Variants in FUT8 observed in about 807,000 individuals in gnomAD.
FUT8 encodes the protein fucosyltransferase 8.
Under a neutral mutation model 71.3 loss-of-function variants are expected in FUT8, and 29 were observed. That is an observed-to-expected ratio of 0.41 (90% CI 0.30 to 0.55). The LOEUF (loss-of-function observed/expected upper bound fraction) is 0.55, where lower values mean the gene tolerates loss of function less well. Ranked by LOEUF, FUT8 falls within the 20% of genes least tolerant of loss-of-function variation. The pLI is 0.34. For missense variants in FUT8, 544 were observed against 702.1 expected (o/e 0.77, Z 2.55); for synonymous variants, 254 against 239.3 (o/e 1.06, Z -0.57).
At chr14:65,387,591 C>T in the FUT8 span, among the ~76,000 whole-genome samples, 3 of 152,168 alleles carry the variant, frequency 2.0e-5, no homozygotes, top group African/African-American at 7.2e-5. Flanking sequence ...TGTTGAGTGC[C>T]TGTAAATTCA....
chr14:65,629,680 CA>C (rs1890075347), intron 6 of FUT8, 74 bp downstream of exon 6: 1 of 1,070,118 alleles, frequency 9.3e-7, no homozygotes, highest in Non-Finnish European at 1.4e-6. Context: ...GTAATAATTT[CA>C]GTTGTTTTTA....
chr14:65,473,612 G>A (rs1306013296), intron 2 of FUT8, among the ~76,000 whole-genome samples: 2 of 152,174 alleles, frequency 1.3e-5, no homozygotes, highest in African/African-American at 2.4e-5. Flanking sequence ...TAAATTGACT[G>A]TAGTCCAATA....
At chr14:65,583,798 C>T (rs913932632) in intron 3 of FUT8, among the ~76,000 whole-genome samples, 5 of 152,150 alleles carry the variant, frequency 3.3e-5, no homozygotes, top group Admixed American at 1.3e-4. Flanking sequence ...AGGATCTCAT[C>T]TTTGTTGTGT....
At chr14:65,522,349 G>A (rs1399365369) in intron 2 of FUT8, among the ~76,000 whole-genome samples, 1 of 151,886 alleles carries the variant, frequency 6.6e-6, no homozygotes, top group Non-Finnish European at 1.5e-5. Flanking sequence ...AACTCAGAGT[G>A]TTATTTCCTT....
At chr14:65,694,435 C>T (rs1266898256) in intron 7 of FUT8, among the ~76,000 whole-genome samples, 2 of 152,120 alleles carry the variant, frequency 1.3e-5, no homozygotes, top group African/African-American at 2.4e-5. Flanking sequence ...CAAAGTGCTT[C>T]AGCTATCTTT....
At chr14:65,621,331 G>A (rs1192534918) in intron 5 of FUT8, among the ~76,000 whole-genome samples, 4 of 149,872 alleles carry the variant, frequency 2.7e-5, no homozygotes, top group Admixed American at 2.7e-4. Flanking sequence ...CTCACTGCAA[G>A]CTCTGCCTCC....
At chr14:65,553,400 G>A (rs1885402205) in intron 2 of FUT8, among the ~76,000 whole-genome samples, 1 of 151,884 alleles carries the variant, frequency 6.6e-6, no homozygotes, top group South Asian at 2.1e-4. Context: ...TAAACCCAGT[G>A]ATACATTATT....
intron 2 of FUT8, among the ~76,000 whole-genome samples, chr14:65,466,906 T>C (rs994299072): frequency 2.7e-5 from 4 of 148,522 alleles, no homozygotes; most frequent in African/African-American, 1.0e-4. Flanking sequence ...AGTTCCTTTT[T>C]CCCATTCCTT....
At chr14:65,536,969 CTT>C (rs57549287) in intron 2 of FUT8, among the ~76,000 whole-genome samples, 81 of 124,512 alleles carry the variant, frequency 6.5e-4, no homozygotes, top group Admixed American at 6.5e-4. Context: ...TCTTCTTCTT[CTT>C]TTTTTTTTTT....
At chr14:65,369,760 C>T in the FUT8 span, among the ~76,000 whole-genome samples, 2 of 152,170 alleles carry the variant, frequency 1.3e-5, no homozygotes, top group African/African-American at 2.4e-5. This position sits in a 1 kb window ranked among gnomAD's most constrained non-coding sequence, Gnocchi z 4.6. Flanking sequence ...AGGAAGTGCC[C>T]ACTCCTTTCT....
At chr14:65,694,265 T>G (rs937688314) in intron 7 of FUT8, among the ~76,000 whole-genome samples, 6 of 151,754 alleles carry the variant, frequency 4.0e-5, no homozygotes, top group Non-Finnish European at 7.4e-5. Context: ...ATAATTGGGT[T>G]TAGCTTTTTC....
intron 3 of FUT8, among the ~76,000 whole-genome samples, chr14:65,614,436 T>A (rs568656511): frequency 1.1e-4 from 16 of 152,350 alleles, no homozygotes; most frequent in Non-Finnish European, 2.4e-4. Context: ...CTTTGACAAA[T>A]ACCACAAACT....
intron 1 of FUT8, among the ~76,000 whole-genome samples, chr14:65,453,717 G>A (rs12589698): frequency 0.35 from 52,719 of 152,070 alleles, 11,408 homozygotes; most frequent in Non-Finnish European, 0.48. Context: ...AGCTCCTGGA[G>A]GATGTTTTTT....
chr14:65,742,428 T>C lies in FUT8; in HGVS notation c.*18T>C. ...AGAAATAAAGCTCAGATGGAAGAGATAAACGACCAAACTCAGTTCGACCAA... is the reference window on the plus strand; with the variant it reads ...AGAAATAAAGCTCAGATGGAAGAGACAAACGACCAAACTCAGTTCGACCAA... On this transcript the variant is annotated 3_prime_UTR_variant, in exon 11 of 11. Coordinates refer to ENST00000673929, the MANE Select transcript of FUT8 (RefSeq NM_001371533.1). 1.2e-6 allele frequency: 2 copies of C among 1,601,926 alleles called. No homozygotes were observed. Among genetic ancestry groups the C allele is most frequent in the Non-Finnish European group, 1.7e-6 (2 of 1,172,560 alleles).
chr14:65,424,539 C>CTTTTTTTTTTTTTTTTTTTTTT (rs796843891), intron 1 of FUT8, among the ~76,000 whole-genome samples: 14 of 125,414 alleles, frequency 1.1e-4, no homozygotes, highest in Admixed American at 1.6e-4. Context: ...CTTTTCTTTT[C>CTTTTTTTTTTTTTTTTTTTTTT]TTTTTTTTTT....
At chr14:65,543,431 A>G (rs996484930) in intron 2 of FUT8, among the ~76,000 whole-genome samples, 2 of 152,208 alleles carry the variant, frequency 1.3e-5, no homozygotes, top group African/African-American at 2.4e-5. Context: ...TTTAGGTGCT[A>G]TGTATACTTT....
chr14:65,440,464 T>C (rs978307888), intron 1 of FUT8, among the ~76,000 whole-genome samples: 1 of 151,864 alleles, frequency 6.6e-6, no homozygotes, highest in East Asian at 1.9e-4. Flanking sequence ...TACAGACATA[T>C]GCCACCATGC....
intron 1 of FUT8, chr14:65,430,095 C>T (rs1044726049): frequency 4.6e-5 from 7 of 151,214 alleles, no homozygotes; most frequent in African/African-American, 1.7e-4. Flanking sequence ...TCATGGCTTA[C>T]TGCAGCCTCG....
intron 7 of FUT8, among the ~76,000 whole-genome samples, chr14:65,687,094 C>G (rs950478468): frequency 6.6e-5 from 10 of 152,026 alleles, no homozygotes; most frequent in Non-Finnish European, 1.5e-4. Context: ...CAGGACTAGC[C>G]CTCTCTTTAG....
Sources: gnomAD v4.1 joint callset for allele counts (sites outside exome capture counted in the v4.1 genomes callset) on GRCh38, gnomAD v4.1.1 for gene constraint, Gnocchi (gnomAD v3.1) non-coding constraint, MANE v1.5 for transcripts, NCBI Gene and HGNC (gene_info 2026-07-23, HGNC 2026-07-21) for gene names.